Variants in RAB6B observed in about 807,000 individuals in gnomAD.
The protein encoded by RAB6B is RAB6B, member RAS oncogene family, also known as ras-related protein Rab-6B.
A neutral mutation model predicts 31.2 loss-of-function variants in RAB6B; 7 were observed. The ratio of observed to expected loss-of-function variants is 0.22; its 90% CI spans 0.13 to 0.42. RAB6B has a LOEUF of 0.42. Ranked by LOEUF, RAB6B falls within the 10% of genes least tolerant of loss-of-function variation. The pLI, the probability that RAB6B is intolerant of heterozygous loss-of-function variation, is 1.00. For synonymous variants in RAB6B, 105 were observed against 104.9 expected (o/e 1.00, Z -0.01); for missense variants, 149 against 280.6 (o/e 0.53, Z 3.35).
chr3:133,853,037 G>A (rs1936010266), intron 2 of RAB6B, among the ~76,000 whole-genome samples: 1 of 152,074 alleles, frequency 6.6e-6, no homozygotes, highest in Admixed American at 6.5e-5. Context: ...TGCATCTGTA[G>A]TACAGTCATA....
intron 1 of RAB6B, among the ~76,000 whole-genome samples, chr3:133,886,339 T>C (rs1456296749): frequency 6.6e-6 from 1 of 152,238 alleles, no homozygotes; most frequent in Admixed American, 6.5e-5. Flanking sequence ...ATTTGTTGCC[T>C]GCTTATTGTG....
In RAB6B at chr3:133,864,656, A is replaced by C. The variant is rs757489961; in HGVS notation, c.71-14T>G. ...ACGTCTTCCCGACTGCAAAACAACA[A>C]GGAGAGAGGTGTTCAGTCATGGCAT... On this transcript the variant is annotated splice_polypyrimidine_tract_variant and intron_variant, in intron 1 of 7. Transcript: ENST00000285208. The C allele has an allele frequency of 1.4e-5, 22 of 1,612,566 alleles. No homozygotes were observed. The highest frequency in any genetic ancestry group is 1.1e-4 in the South Asian group (10 of 91,058).
chr3:133,845,882 A>G (rs1935902876), intron 2 of RAB6B, among the ~76,000 whole-genome samples: 1 of 152,188 alleles, frequency 6.6e-6, no homozygotes, highest in Non-Finnish European at 1.5e-5. Flanking sequence ...AAAAAAAATT[A>G]AAAATTAATA....
At chr3:133,883,630 C>T (rs752122935) in intron 1 of RAB6B, among the ~76,000 whole-genome samples, 1 of 152,168 alleles carries the variant, frequency 6.6e-6, no homozygotes, top group Non-Finnish European at 1.5e-5. Context: ...CCCTCTTAGC[C>T]CTCCTCTTTT....
intron 2 of RAB6B, among the ~76,000 whole-genome samples, chr3:133,856,833 G>A (rs1480716071): frequency 2.0e-5 from 3 of 152,326 alleles, no homozygotes; most frequent in Admixed American, 2.0e-4. Flanking sequence ...GGTCTCTGAG[G>A]CAGGGTCATC....
chr3:133,834,053 G>A (rs1935694717), intron 7 of RAB6B, among the ~76,000 whole-genome samples: 1 of 152,132 alleles, frequency 6.6e-6, no homozygotes, highest in Non-Finnish European at 1.5e-5. Context: ...CTTCAGGTTG[G>A]GGCTGGTTTG....
chr3:133,835,601 G>A (rs1935723678), intron 6 of RAB6B, among the ~76,000 whole-genome samples: 1 of 152,000 alleles, frequency 6.6e-6, no homozygotes, highest in African/African-American at 2.4e-5. Flanking sequence ...GCAGAAGTAT[G>A]AGGCACAGAA....
At position 133,828,009 on chromosome 3, in the gene RAB6B, C is replaced by T. The variant is rs567929379; in HGVS notation, c.*779G>A. 2.5e-4 allele frequency: 177 copies of T among 702,788 alleles called. 2 individuals are homozygous for T. The highest frequency in any genetic ancestry group is 2.3e-3 in the South Asian group (158 of 67,600). 43.5% of individuals were successfully genotyped at this position (702,788 alleles called of 1,614,324 possible). On this transcript the variant is annotated 3_prime_UTR_variant, in exon 8 of 8. Transcript: ENST00000285208. ...ACCTCGTCCTTCTGATGGCCTCTTG[C>T]TCTGCCAGTCCCTGAGGGCACAGAG...
intron 1 of RAB6B, among the ~76,000 whole-genome samples, chr3:133,877,816 G>C (rs2715618): frequency 0.58 from 85,215 of 148,118 alleles, 24,953 homozygotes; most frequent in African/African-American, 0.68. Context: ...TATACTATAT[G>C]TTAGTATAAT....
At chr3:133,869,936 G>GT (rs1936292590) in intron 1 of RAB6B, among the ~76,000 whole-genome samples, 2 of 152,276 alleles carry the variant, frequency 1.3e-5, no homozygotes, top group Admixed American at 1.3e-4. Flanking sequence ...CTACAAATTC[G>GT]TGAGCGATGT....
At chr3:133,876,489 T>G (rs11716235) in intron 1 of RAB6B, among the ~76,000 whole-genome samples, 1 of 152,028 alleles carries the variant, frequency 6.6e-6, no homozygotes, top group Non-Finnish European at 1.5e-5. Flanking sequence ...CTGAGAGAGA[T>G]AAAATATAAG....
chr3:133,836,162 G>T (rs9814724), intron 6 of RAB6B, among the ~76,000 whole-genome samples: 2 of 152,236 alleles, frequency 1.3e-5, no homozygotes, highest in Non-Finnish European at 1.5e-5. Context: ...AGGGCCCAAG[G>T]GGGGAAGCTG....
At position 133,834,456 on chromosome 3, in the gene RAB6B, C is replaced by T. The variant is rs41272329; in HGVS notation, c.562+119G>A. On this transcript the variant is annotated intron_variant, in intron 7 of 7. Coordinates refer to ENST00000285208, the MANE Select transcript of RAB6B (RefSeq NM_016577.4). ...CCTAGAGGAGGCCCCGTGCCATTCG[C>T]GGCAGACCAGGGAAGGCTGGGCGGG... is the stretch of plus-strand genomic sequence containing the variant. The T allele has an allele frequency of 8.3e-3, 9,376 of 1,133,832 alleles. 75 individuals carry two copies. The highest frequency in any genetic ancestry group is 0.013 in the Middle Eastern group (69 of 5,134). 70.2% of individuals were successfully genotyped at this position (1,133,832 alleles called of 1,614,324 possible).
At chr3:133,843,440 C>T (rs1019221952) in intron 2 of RAB6B, among the ~76,000 whole-genome samples, 1 of 152,288 alleles carries the variant, frequency 6.6e-6, no homozygotes, top group Non-Finnish European at 1.5e-5. Context: ...GATTGACAAT[C>T]CTTGTCTTCT....
chr3:133,829,625 CAG>C (rs565261860), intron 7 of RAB6B, among the ~76,000 whole-genome samples: 43 of 152,280 alleles, frequency 2.8e-4, no homozygotes, highest in Admixed American at 9.1e-4. Flanking sequence ...TGCCTTAAGA[CAG>C]GGGTGTGTGG....
At chr3:133,874,487 A>C (rs1007024264) in intron 1 of RAB6B, among the ~76,000 whole-genome samples, 17 of 152,250 alleles carry the variant, frequency 1.1e-4, no homozygotes, top group African/African-American at 3.4e-4. Flanking sequence ...GGTAAAAAAC[A>C]TAAAACATGA....
chr3:133,860,808 G>A (rs1038578056), intron 2 of RAB6B, among the ~76,000 whole-genome samples: 7 of 152,218 alleles, frequency 4.6e-5, no homozygotes, highest in African/African-American at 1.7e-4. Flanking sequence ...CTGCTCCCAG[G>A]GACAGCCCGT....
intron 2 of RAB6B, among the ~76,000 whole-genome samples, chr3:133,856,716 T>C (rs879673752): frequency 6.6e-6 from 1 of 152,194 alleles, no homozygotes; most frequent in Non-Finnish European, 1.5e-5. Flanking sequence ...CATTTTGTAG[T>C]TACCATAAGT....
chr3:133,875,618 T>C (rs893267305), intron 1 of RAB6B, among the ~76,000 whole-genome samples: 27 of 152,164 alleles, frequency 1.8e-4, no homozygotes, highest in African/African-American at 6.5e-4. Context: ...CATACTCCCA[T>C]AGAGCCTTAT....
Sources: allele counts gnomAD v4.1 joint callset (sites outside exome capture counted in the v4.1 genomes callset), GRCh38; gene constraint gnomAD v4.1.1; transcripts MANE v1.5; gene names NCBI Gene and HGNC (gene_info 2026-07-23, HGNC 2026-07-21).